The following FRMD8 variants were observed in gnomAD, a reference collection of about 807,000 sequenced individuals.
FRMD8 encodes FERM domain-containing protein 8.
Under a neutral mutation model 54.2 loss-of-function variants are expected in FRMD8, and 37 were observed. That is an observed-to-expected ratio of 0.68 (90% CI 0.53 to 0.90). The LOEUF is 0.90. Among genes scored for constraint, FRMD8 ranks in the 40% least tolerant of loss-of-function variants. The pLI, the probability that FRMD8 is intolerant of heterozygous loss-of-function variation, is 0.00. For missense variants in FRMD8, 585 were observed against 653.7 expected, an observed-to-expected ratio of 0.89 and a Z score of 1.15; for synonymous variants, 246 against 286.9, an observed-to-expected ratio of 0.86 and a Z score of 1.44.
At chr11:65,389,696 G>T (rs192139112) in intron 3 of FRMD8, among the ~76,000 whole-genome samples, 168 bp downstream of exon 3, 1 of 152,280 alleles carries the variant, frequency 6.6e-6, no homozygotes, top group East Asian at 1.9e-4. Context: ...AGCACCTAGA[G>T]CCCTGAGAAG....
At position 65,404,511 on chromosome 11, in the gene FRMD8, TC is replaced by T. The variant is rs1458243775; in HGVS notation, c.1072-349del. ...TTCCTCCCAGCCAGCACCACCCGCC[TC>T]CCCGCCCCGCTTCCCCACTCTTCGT... On this transcript the variant is annotated intron_variant, in intron 9 of 10. Transcript: ENST00000317568. The surrounding 1 kb of genome is among the most constrained non-coding windows in gnomAD (Gnocchi z 4.7). Among the ~76,000 whole-genome samples the T allele has an allele frequency of 4.0e-5, 3 of 74,388 alleles. No individual in the cohort carries two copies. Among genetic ancestry groups the T allele is most frequent in the Admixed American group, 1.6e-4 (1 of 6,202 alleles). 48.8% of individuals were successfully genotyped at this position (74,388 alleles called of 152,430 possible).
At chr11:65,399,082 C>T (rs1317288282) in intron 7 of FRMD8, among the ~76,000 whole-genome samples, 1 of 151,494 alleles carries the variant, frequency 6.6e-6, no homozygotes, top group East Asian at 1.9e-4. Flanking sequence ...ACTGCGAGCT[C>T]CGCCTCCCAG....
chr11:65,380,706 G>A, the FRMD8 span: 20 of 809,180 alleles, frequency 2.5e-5, no homozygotes, highest in South Asian at 3.0e-4. Context: ...GCCTAGCCCT[G>A]CCCTCCACAG....
At chr11:65,402,398 T>C (rs369760352) in intron 9 of FRMD8, among the ~76,000 whole-genome samples, 1 of 152,178 alleles carries the variant, frequency 6.6e-6, no homozygotes, top group African/African-American at 2.4e-5. Flanking sequence ...GACATCTTTG[T>C]TGAAAATCAA....
the FRMD8 span, among the ~76,000 whole-genome samples, chr11:65,372,043 T>G: frequency 6.6e-6 from 1 of 152,016 alleles, no homozygotes; most frequent in Non-Finnish European, 1.5e-5. Flanking sequence ...TCCTTAGTAG[T>G]TGGGATTACA....
Position 65,387,074 on chromosome 11 carries a change from C to A in FRMD8, c.38C>A (p.Pro13His). The change falls in exon 2 of 11, where the codon CCC (proline) becomes CAC (histidine). Residue 13 changes from proline to histidine, a missense_variant. Transcript: ENST00000317568. The stretch of plus-strand genomic sequence containing the variant: ...GAAGGCAGTGCCGGGCAGCCCGGCC[C>A]CGCTGAGCGATCCCACCGAAGCAGC... Reference protein sequence around the residue: ...GTEGSAGQPGPAERSHRSSVS... With the variant: ...GTEGSAGQPGHAERSHRSSVS... 6.2e-7 allele frequency: 1 copy of A among 1,609,004 alleles called. No individual in the cohort carries two copies. The highest frequency in any genetic ancestry group is 8.5e-7 in the Non-Finnish European group (1 of 1,180,010).
rs543742930 is a variant in FRMD8, at chr11:65,407,542, C to T, written c.1276+2474C>T. Among the ~76,000 whole-genome samples the T allele has an allele frequency of 9.5e-5, 14 of 147,502 alleles. No homozygotes were observed. In the South Asian group the frequency reaches 3.0e-3, roughly 32 times the overall value. On this transcript the variant is annotated intron_variant, in intron 10 of 10. Coordinates refer to ENST00000317568, the MANE Select transcript of FRMD8 (RefSeq NM_031904.5). ...GCTGGGATTACAGTGTGAGCCACCG[C>T]ACCCGGCCAGAGATCTACATTTTAC...
rs776922218 is a variant in FRMD8 at position 65,399,751 on chromosome 11, CG to C, written c.821del (p.Gly274ValfsTer87). 6.2e-7 allele frequency: 1 copy of C among 1,613,820 alleles called. No homozygotes were observed. The highest frequency in any genetic ancestry group is 1.3e-5 in the African/African-American group (1 of 74,944). ...CCCTCCCCAGGTGTGCCTTCTTCCA[CG>C]GTGAGGTTGACAAGCCGGCCCAAGG... ...LPFYGCAFFH[G>X]EVDKPAQGFL... On this transcript the variant is annotated frameshift_variant, in exon 8 of 11. Transcript: ENST00000317568. LOFTEE classifies it high-confidence loss of function.
At chr11:65,405,850 A>C (rs1164449362) in intron 10 of FRMD8, among the ~76,000 whole-genome samples, 1 of 151,820 alleles carries the variant, frequency 6.6e-6, no homozygotes, top group African/African-American at 2.4e-5. Flanking sequence ...AATATACTTA[A>C]ACTTAGCTGA....
chr11:65,375,793 T>C, the FRMD8 span: 300 of 152,696 alleles, frequency 2.0e-3, no homozygotes, highest in Non-Finnish European at 2.6e-3. Flanking sequence ...CCGGGCGCGG[T>C]GGCTCACGCC....
upstream of FRMD8, chr11:65,381,699 T>C: frequency 1.8e-6 from 1 of 561,164 alleles, no homozygotes; most frequent in East Asian, 3.3e-5. Context: ...GGACTACAGG[T>C]GTGAGCCACC....
chr11:65,394,064 A>G lies in FRMD8; in HGVS notation c.379A>G (p.Arg127Gly). 6.2e-7 allele frequency: 1 copy of G among 1,614,108 alleles called. No homozygotes were observed. Among genetic ancestry groups the G allele is most frequent in the Admixed American group, 1.7e-5 (1 of 60,026 alleles). ...AGATGAGCCTTTCCTGCAGTTCCGA[A>G]GGAACGTGTTCTTCCCAAAGCGGCG... ...AMDEPFLQFR[R>G]NVFFPKRREL... Residue 127 changes from arginine to glycine, a missense_variant, in exon 5 of 11, where the codon AGG (arginine) becomes GGG (glycine). Transcript: ENST00000317568.
chr11:65,397,588 G>A (rs898468824), intron 7 of FRMD8, among the ~76,000 whole-genome samples: 2 of 152,252 alleles, frequency 1.3e-5, no homozygotes, highest in Non-Finnish European at 2.9e-5. Context: ...CCAGATGGAT[G>A]TGCAGTGGAT....
chr11:65,409,765 C>CAA (rs751034633), intron 10 of FRMD8, among the ~76,000 whole-genome samples: 2 of 117,960 alleles, frequency 1.7e-5, no homozygotes, highest in Non-Finnish European at 3.6e-5. Flanking sequence ...GACCCTGTCG[C>CAA]AAAAAAAAAA....
intron 10 of FRMD8, among the ~76,000 whole-genome samples, chr11:65,409,765 CAA>C (rs751034633): frequency 5.7e-4 from 67 of 117,654 alleles, no homozygotes; most frequent in Middle Eastern, 4.5e-3. Context: ...GACCCTGTCG[CAA>C]AAAAAAAAAA....
At chr11:65,393,483 C>T in intron 3 of FRMD8, 90 bp from the exon 4 acceptor site, 1 of 932,986 alleles carries the variant, frequency 1.1e-6, no homozygotes, top group East Asian at 2.5e-5. Flanking sequence ...TTGGTTGCGA[C>T]TGTCGTCATG....
In FRMD8 at chr11:65,400,592, C is replaced by A; in HGVS notation, c.928-132C>A. ...GATGAAAGCTGAGGCTCTCTCCTTACAGAAACACATGAACAAATGTAGACT... is the reference window on the plus strand; with the variant it reads ...GATGAAAGCTGAGGCTCTCTCCTTAAAGAAACACATGAACAAATGTAGACT... On this transcript the variant is annotated intron_variant, in intron 8 of 10. Transcript: ENST00000317568. This position sits in a 1 kb window ranked among gnomAD's most constrained non-coding sequence, Gnocchi z 4.3. 1 of 928,844 alleles carries A rather than the reference C, an allele frequency of 1.1e-6. No homozygotes were observed. Among genetic ancestry groups the A allele is most frequent in the Non-Finnish European group, 1.5e-6 (1 of 657,298 alleles). 57.5% of individuals were successfully genotyped at this position (928,844 alleles called of 1,614,324 possible). A position where few individuals can be genotyped will look rare whatever the true frequency, so the allele number is the denominator to read the frequency against.
the FRMD8 span, chr11:65,379,667 G>C: frequency 7.5e-7 from 1 of 1,333,378 alleles, no homozygotes; most frequent in Non-Finnish European, 1.0e-6. Flanking sequence ...CCCAAGTCCT[G>C]CCACAGGGAA....
intron 3 of FRMD8, among the ~76,000 whole-genome samples, chr11:65,389,860 C>T (rs1855809154): frequency 6.6e-6 from 1 of 152,192 alleles, no homozygotes; most frequent in Non-Finnish European, 1.5e-5. Flanking sequence ...TAACCTTTGC[C>T]ACAACCTGGG....
Sources: gnomAD v4.1 joint callset for allele counts (sites outside exome capture counted in the v4.1 genomes callset) on GRCh38, gnomAD v4.1.1 for gene constraint, Gnocchi (gnomAD v3.1) non-coding constraint, MANE v1.5 for transcripts, NCBI Gene and HGNC (gene_info 2026-07-23, HGNC 2026-07-21) for gene names.